The following HECW2 variants were observed in gnomAD, a reference collection of about 807,000 sequenced individuals.
HECW2 encodes HECT, C2 and WW domain containing E3 ubiquitin protein ligase 2.
A neutral mutation model predicts 175.2 loss-of-function variants in HECW2; 61 were observed. The ratio of observed to expected loss-of-function variants is 0.35; its 90% CI spans 0.28 to 0.43. The LOEUF (loss-of-function observed/expected upper bound fraction) is 0.43, where lower values mean the gene tolerates loss of function less well. HECW2 is among the 20% of genes least tolerant of loss of function. The pLI is 1.00. For synonymous variants in HECW2, 671 were observed against 731.0 expected (o/e 0.92, Z 1.32); for missense variants, 1,524 against 2,000.5 (o/e 0.76, Z 4.54).
chr2:196,237,106 C>G (rs906654685), intron 21 of HECW2, among the ~76,000 whole-genome samples: 2 of 152,202 alleles, frequency 1.3e-5, no homozygotes, highest in African/African-American at 4.8e-5. Flanking sequence ...AGACCTACAG[C>G]AGTTTCTGAA....
intron 2 of HECW2, among the ~76,000 whole-genome samples, chr2:196,384,507 G>C (rs1447638176): frequency 6.6e-6 from 1 of 152,086 alleles, no homozygotes; most frequent in South Asian, 2.1e-4. Flanking sequence ...ACTTGAGCCC[G>C]GGAGGCAGAT....
intron 17 of HECW2, among the ~76,000 whole-genome samples, chr2:196,266,383 A>G (rs994220212): frequency 2.0e-5 from 3 of 152,088 alleles, no homozygotes; most frequent in Non-Finnish European, 4.4e-5. Flanking sequence ...TAAAAATTCA[A>G]TAATTATCCC....
chr2:196,213,310 C>T (rs1199580772), intron 28 of HECW2, among the ~76,000 whole-genome samples: 2 of 152,176 alleles, frequency 1.3e-5, no homozygotes, highest in African/African-American at 2.4e-5. Flanking sequence ...ACAAAGTAAA[C>T]ACAGTGTTCC....
intron 2 of HECW2, among the ~76,000 whole-genome samples, chr2:196,345,498 T>A (rs1692923560): frequency 6.6e-6 from 1 of 152,182 alleles, no homozygotes. Context: ...AAGGACAAAC[T>A]CAACATCCTT....
chr2:196,297,375 T>C (rs1232360726), intron 13 of HECW2, among the ~76,000 whole-genome samples: 5 of 152,222 alleles, frequency 3.3e-5, no homozygotes, highest in Non-Finnish European at 5.9e-5. Context: ...ATAACACTCC[T>C]TAGAACTTAA....
chr2:196,553,705 A>C (rs11888703), intron 1 of HECW2, among the ~76,000 whole-genome samples: 7,721 of 152,262 alleles, frequency 0.051, 653 homozygotes, highest in African/African-American at 0.18. Context: ...AGTCTGTAGA[A>C]GTCTTCAGGC....
intron 2 of HECW2, among the ~76,000 whole-genome samples, chr2:196,388,825 T>G (rs765287963): frequency 6.6e-6 from 1 of 152,136 alleles, no homozygotes; most frequent in Non-Finnish European, 1.5e-5. Flanking sequence ...AATGTTAAGA[T>G]TATTAGAGGT....
chr2:196,444,196 C>T (rs1161975022), intron 1 of HECW2, among the ~76,000 whole-genome samples: 1 of 152,122 alleles, frequency 6.6e-6, no homozygotes, highest in African/African-American at 2.4e-5. Context: ...CAAAACATTA[C>T]CTGTAGTTAA....
rs754946786 is a variant in HECW2, at chr2:196,201,263, A to C, written c.*14T>G. The C allele has an allele frequency of 1.3e-6, 2 of 1,548,750 alleles. No homozygotes were observed. Among genetic ancestry groups the C allele is most frequent in the African/African-American group, 2.7e-5 (2 of 73,492 alleles). On this transcript the variant is annotated 3_prime_UTR_variant, in exon 29 of 29. Transcript: ENST00000644978. ...AACCTGCCTGTCCACAGAGATGGGCATTCAGCTTCCAGGTCACTCAAGTCC... is the reference window on the plus strand; with the variant it reads ...AACCTGCCTGTCCACAGAGATGGGCCTTCAGCTTCCAGGTCACTCAAGTCC...
At chr2:196,577,636 G>A (rs1690607427) in intron 1 of HECW2, among the ~76,000 whole-genome samples, 1 of 152,156 alleles carries the variant, frequency 6.6e-6, no homozygotes, top group African/African-American at 2.4e-5. Context: ...GAGGATGTGT[G>A]CAAGCAGTAA....
chr2:196,299,793 G>C (rs1372024924), intron 13 of HECW2, among the ~76,000 whole-genome samples: 2 of 152,100 alleles, frequency 1.3e-5, no homozygotes, highest in African/African-American at 4.8e-5. Context: ...GCCGGGCGTG[G>C]TGGCGGGCAT....
At chr2:196,439,942 A>G (rs918206373) in intron 1 of HECW2, among the ~76,000 whole-genome samples, 1 of 152,212 alleles carries the variant, frequency 6.6e-6, no homozygotes, top group African/African-American at 2.4e-5. Context: ...TTTCAAAGGA[A>G]GAACACATAG....
chr2:196,414,696 C>A (rs1695205932), intron 2 of HECW2, among the ~76,000 whole-genome samples: 3 of 152,170 alleles, frequency 2.0e-5, no homozygotes, highest in African/African-American at 7.2e-5. Context: ...GTAACATCAG[C>A]CCCTGGGGAC....
intron 1 of HECW2, among the ~76,000 whole-genome samples, chr2:196,444,993 C>A (rs1463323848): frequency 6.6e-6 from 1 of 152,190 alleles, no homozygotes; most frequent in African/African-American, 2.4e-5. Flanking sequence ...AGTGTCCATG[C>A]AATTCTTACC....
chr2:196,213,377 T>A (rs1039562704), intron 28 of HECW2, among the ~76,000 whole-genome samples: 1 of 152,200 alleles, frequency 6.6e-6, no homozygotes, highest in African/African-American at 2.4e-5. Flanking sequence ...ACATTGTTAC[T>A]CCTACCTTAG....
chr2:196,461,531 T>A (rs760610708), intron 1 of HECW2, among the ~76,000 whole-genome samples: 1 of 152,132 alleles, frequency 6.6e-6, no homozygotes, highest in Non-Finnish European at 1.5e-5. Flanking sequence ...CACAAAGACT[T>A]ATTGTATTAG....
rs1575695341 is a variant in HECW2 at position 196,581,458 on chromosome 2, T to C, written c.-36+12050A>G. ...CTGAGGCATGAGAATCACTTGAACC[T>C]GGGAGGCAGACATTGCAGTGAGCTG... On this transcript the variant is annotated intron_variant, in intron 1 of 28. Transcript: ENST00000644978. Among the ~76,000 whole-genome samples, 6 of 151,892 alleles carry C rather than the reference T, an allele frequency of 4.0e-5. 1 individual carries two copies. The highest frequency in any genetic ancestry group is 3.9e-4 in the Admixed American group (6 of 15,270).
At chr2:196,428,628 A>C (rs1695617252) in intron 2 of HECW2, among the ~76,000 whole-genome samples, 1 of 152,202 alleles carries the variant, frequency 6.6e-6, no homozygotes, top group Admixed American at 6.5e-5. Context: ...AAAGCACTGA[A>C]AATTTCCACA....
chr2:196,220,941 T>C lies in HECW2; in HGVS notation c.4147A>G (p.Ile1383Val), dbSNP rs1391414293. ...CCTGGCTTTAATTCTCGTTCAGTTA[T>C]CTGAGATTACAAAATAAAAAGAATG... Reference protein sequence around the residue: ...FTVNEEVFGQITERELKPGGA... With the variant: ...FTVNEEVFGQVTERELKPGGA... Residue 1383 changes from isoleucine (I) to valine (V), a missense_variant and splice_region_variant, in exon 25 of 29, where the codon ATA (isoleucine) becomes GTA (valine). This residue lies in a region of HECW2 where 134 missense variants were observed against 287.8 expected (regional missense o/e 0.47). Transcript: ENST00000644978. The C allele has an allele frequency of 1.2e-6, 2 of 1,613,828 alleles. No homozygotes were observed. The highest frequency in any genetic ancestry group is 1.1e-5 in the South Asian group (1 of 91,064).
Sources: allele counts gnomAD v4.1 joint callset (sites outside exome capture counted in the v4.1 genomes callset), GRCh38; gene constraint gnomAD v4.1.1; regional missense constraint gnomAD v4.1.1; transcripts MANE v1.5; gene names NCBI Gene and HGNC (gene_info 2026-07-23, HGNC 2026-07-21).